Variants in PPP2CA observed in about 807,000 individuals in gnomAD.
The protein encoded by PPP2CA is serine/threonine-protein phosphatase 2A catalytic subunit alpha isoform.
Under a neutral mutation model 38.8 loss-of-function variants are expected in PPP2CA, and 5 were observed. The ratio of observed to expected loss-of-function variants is 0.13; its 90% CI spans 0.07 to 0.27. The LOEUF (loss-of-function observed/expected upper bound fraction) is 0.27. PPP2CA is among the 10% of genes least tolerant of loss of function. The pLI, the probability that PPP2CA is intolerant of heterozygous loss-of-function variation, is 1.00. For missense variants in PPP2CA, 88 were observed against 389.7 expected (o/e 0.23, Z 6.52); for synonymous variants, 152 against 134.0 (o/e 1.13, Z -0.93).
In PPP2CA at chr5:134,201,036, A is replaced by G; in HGVS notation, c.525T>C (p.Asp175=). Residue 175 remains aspartate, a synonymous_variant, in exon 4 of 7, where the codon GAT becomes GAC. Coordinates refer to ENST00000481195, the MANE Select transcript of PPP2CA (RefSeq NM_002715.4). ...CLHGGLSPSI[D]TLDHIRALDR... is the part of the protein sequence containing the mutation. ...CAAGTGCTCTGATATGATCCAGTGT[A>G]TCTATAGATGGCGAGAGACCACCAT... The G allele has an allele frequency of 6.2e-7, 1 of 1,613,280 alleles. No homozygotes were observed. The highest frequency in any genetic ancestry group is 8.5e-7 in the Non-Finnish European group (1 of 1,179,164).
In PPP2CA at chr5:134,198,250, G is replaced by A. The variant is rs1270117656; in HGVS notation, c.858-406C>T. 5.9e-5 allele frequency among the ~76,000 whole-genome samples: 9 copies of A among 151,858 alleles called. No homozygotes were observed. In the East Asian group the frequency reaches 7.8e-4, roughly 13 times the overall value. On this transcript the variant is annotated intron_variant, in intron 6 of 6. Transcript: ENST00000481195. ...CTAAAAAAATACAAAAAAATTAGCC[G>A]GGCGTGGTGGCAGACGCCTGTAATC...
intron 6 of PPP2CA, 119 bp from the exon 7 acceptor site, chr5:134,197,963 T>C (rs913470254): frequency 1.1e-5 from 9 of 807,624 alleles, no homozygotes; most frequent in Non-Finnish European, 1.7e-5. Context: ...CTTGTCTTAA[T>C]GTAACAGAAC....
chr5:134,222,583 T>C (rs1443009729), intron 1 of PPP2CA, among the ~76,000 whole-genome samples: 1 of 152,136 alleles, frequency 6.6e-6, no homozygotes, highest in Non-Finnish European at 1.5e-5. Flanking sequence ...CTCCACATGT[T>C]TGGTAAGCAC....
At chr5:134,206,932 C>G (rs1466518896) in intron 1 of PPP2CA, among the ~76,000 whole-genome samples, 1 of 152,122 alleles carries the variant, frequency 6.6e-6, no homozygotes, top group Non-Finnish European at 1.5e-5. Context: ...AGTAACCAAG[C>G]CAAAAGTACA....
chr5:134,211,724 G>A (rs1214468219), intron 1 of PPP2CA, among the ~76,000 whole-genome samples: 6 of 150,268 alleles, frequency 4.0e-5, no homozygotes, highest in African/African-American at 1.2e-4. Context: ...TGATCCACCC[G>A]CCTTGGCCTC....
intron 2 of PPP2CA, among the ~76,000 whole-genome samples, chr5:134,204,294 CA>C (rs1323165490): frequency 6.6e-6 from 1 of 152,196 alleles, no homozygotes; most frequent in Non-Finnish European, 1.5e-5. Flanking sequence ...AAGGTAAAGT[CA>C]AACAATTTAT....
rs970154391 is a variant in PPP2CA, at chr5:134,195,687, A to G, written c.*2085T>C. 3 of 152,164 alleles carry G rather than the reference A, an allele frequency of 2.0e-5. No homozygotes were observed. Among genetic ancestry groups the G allele is most frequent in the African/African-American group, 7.2e-5 (3 of 41,446 alleles). The allele number at this position is 152,164 out of a possible 1,614,324, so 9.4% of individuals were successfully genotyped here. A position where few individuals can be genotyped will look rare whatever the true frequency, so the allele number is the denominator to read the frequency against. On this transcript the variant is annotated 3_prime_UTR_variant, in exon 7 of 7. Coordinates refer to ENST00000481195, the MANE Select transcript of PPP2CA (RefSeq NM_002715.4). ...AAGAAAATACATAATTTACTAACAC[A>G]TTTTCCTTACCATAGCCATTTTCAA...
chr5:134,210,342 G>GT, intron 1 of PPP2CA, among the ~76,000 whole-genome samples: 1 of 152,070 alleles, frequency 6.6e-6, no homozygotes, highest in Non-Finnish European at 1.5e-5. Flanking sequence ...GACATTTGAG[G>GT]TTTTTTATTT....
chr5:134,200,683 G>A (rs1458268191), intron 4 of PPP2CA, among the ~76,000 whole-genome samples, 187 bp from the exon 5 acceptor site: 1 of 152,218 alleles, frequency 6.6e-6, no homozygotes, highest in African/African-American at 2.4e-5. Flanking sequence ...CAGACTTTAT[G>A]AGACACAGCT....
intron 4 of PPP2CA, 118 bp from the exon 5 acceptor site, chr5:134,200,614 T>C (rs1761949862): frequency 8.9e-6 from 10 of 1,120,574 alleles, no homozygotes; most frequent in Non-Finnish European, 1.0e-5. Flanking sequence ...TTGTGGACAA[T>C]GCTAATAGAC....
chr5:134,203,913 G>C (rs1561735806), intron 2 of PPP2CA, among the ~76,000 whole-genome samples: 1 of 152,124 alleles, frequency 6.6e-6, no homozygotes, highest in Non-Finnish European at 1.5e-5. Context: ...GGTCTCACTA[G>C]GTTGCCCAGG....
In PPP2CA at chr5:134,197,492, C is replaced by G. The variant is rs11552680; in HGVS notation, c.*280G>C. The G allele has an allele frequency of 2.4e-6, 1 of 420,356 alleles. No individual in the cohort carries two copies. Among genetic ancestry groups the G allele is most frequent in the Non-Finnish European group, 4.4e-6 (1 of 229,480 alleles). 26.0% of individuals were successfully genotyped at this position (420,356 alleles called of 1,614,324 possible). A position where few individuals can be genotyped will look rare whatever the true frequency, so the allele number is the denominator to read the frequency against. On this transcript the variant is annotated 3_prime_UTR_variant, in exon 7 of 7. Transcript: ENST00000481195. ...TTACATCTTATTATCTGCAGTCTCT[C>G]AGAGAAAGCAAAAGTAACTACAAAT...
chr5:134,213,677 G>A (rs911544665), intron 1 of PPP2CA, among the ~76,000 whole-genome samples: 8 of 151,798 alleles, frequency 5.3e-5, no homozygotes, highest in African/African-American at 1.5e-4. Flanking sequence ...CAGCTGCTAA[G>A]GAGGCTAAGG....
At chr5:134,207,561 G>A (rs1233475881) in intron 1 of PPP2CA, among the ~76,000 whole-genome samples, 1 of 152,196 alleles carries the variant, frequency 6.6e-6, no homozygotes, top group African/African-American at 2.4e-5. Flanking sequence ...GGGACGCTAA[G>A]GCGGGTGGAT....
At chr5:134,222,432 A>T (rs1186413716) in intron 1 of PPP2CA, among the ~76,000 whole-genome samples, 1 of 152,116 alleles carries the variant, frequency 6.6e-6, no homozygotes, top group Non-Finnish European at 1.5e-5. Context: ...TTTTTTCCAT[A>T]CTCACGTAAC....
At position 134,205,930 on chromosome 5, in the gene PPP2CA, C is replaced by T; in HGVS notation, c.304G>A (p.Ala102Thr). Residue 102 changes from alanine to threonine, a missense_variant, in exon 2 of 7, where the codon GCT (alanine) becomes ACT (threonine). By Grantham distance (58) the Ala-to-Thr change is moderately conservative (BLOSUM62 0). Coordinates refer to ENST00000481195, the MANE Select transcript of PPP2CA (RefSeq NM_002715.4). ...CATAAAATTGAAATTACCTTAAGAG[C>T]TACAAGCAGTGTAACTGTTTCAACT... The part of the protein sequence containing the change: ...YSVETVTLLV[A>T]LKVRYRERIT... 1 of 1,612,976 alleles carries T rather than the reference C, an allele frequency of 6.2e-7. No homozygotes were observed. Among genetic ancestry groups the T allele is most frequent in the Non-Finnish European group, 8.5e-7 (1 of 1,178,994 alleles).
chr5:134,197,069 TAC>T lies in PPP2CA; in HGVS notation c.*701_*702del, dbSNP rs1257374710. 1 of 152,654 alleles carries T rather than the reference TAC, an allele frequency of 6.6e-6. No homozygotes were observed. Among genetic ancestry groups the T allele is most frequent in the Non-Finnish European group, 1.5e-5 (1 of 68,040 alleles). 9.5% of individuals were successfully genotyped at this position (152,654 alleles called of 1,614,324 possible). On this transcript the variant is annotated 3_prime_UTR_variant, in exon 7 of 7. Transcript: ENST00000481195. ...AAACAGCACCAGTCTTGCCCATTGA[TAC>T]AATTAAAATTTGACCTTCTCAGTTC...
chr5:134,201,157 AC>A, intron 3 of PPP2CA, 83 bp from the exon 4 acceptor site: 1 of 1,047,752 alleles, frequency 9.5e-7, no homozygotes, highest in Non-Finnish European at 1.5e-6. Context: ...CATGCCTGTA[AC>A]CCCAGCACTT....
chr5:134,210,016 T>C (rs1173833838), intron 1 of PPP2CA, among the ~76,000 whole-genome samples: 1 of 151,744 alleles, frequency 6.6e-6, no homozygotes, highest in Non-Finnish European at 1.5e-5. Context: ...AGTTCAAGGA[T>C]GCAGTCAGCC....
Sources: allele counts gnomAD v4.1 joint callset (sites outside exome capture counted in the v4.1 genomes callset), GRCh38; gene constraint gnomAD v4.1.1; transcripts MANE v1.5; gene names NCBI Gene and HGNC (gene_info 2026-07-23, HGNC 2026-07-21).